Variants in CSNK2A1 observed in about 807,000 individuals in gnomAD.
CSNK2A1 encodes casein kinase II subunit alpha.
A neutral mutation model predicts 62.9 loss-of-function variants in CSNK2A1; 10 were observed. That is an observed-to-expected ratio of 0.16 (90% CI 0.10 to 0.27). The LOEUF is 0.27. Among genes scored for constraint, CSNK2A1 ranks in the 10% least tolerant of loss-of-function variants. The pLI is 1.00. For missense variants in CSNK2A1, 160 were observed against 492.0 expected (o/e 0.33, Z 6.38); for synonymous variants, 124 against 167.8 (o/e 0.74, Z 2.02).
At chr20:535,660 A>G (rs896521241) in intron 1 of CSNK2A1, among the ~76,000 whole-genome samples, 1 of 151,008 alleles carries the variant, frequency 6.6e-6, no homozygotes, top group African/African-American at 2.4e-5. Flanking sequence ...GGAGGCTGAG[A>G]GAGGAGAATC....
intron 7 of CSNK2A1, 98 bp from the exon 8 acceptor site, chr20:495,900 C>A (rs1182812631): frequency 2.5e-5 from 23 of 930,192 alleles, no homozygotes; most frequent in Non-Finnish European, 3.1e-5. Flanking sequence ...CCTCACAATA[C>A]CCCTGGGATT....
rs1466682492 is a variant in CSNK2A1, at chr20:490,482, T to C, written c.622-601A>G. 3.4e-4 allele frequency among the ~76,000 whole-genome samples: 50 copies of C among 146,630 alleles called. 1 individual carries two copies. Among genetic ancestry groups the C allele is most frequent in the African/African-American group, 1.3e-4 (5 of 38,870 alleles). On this transcript the variant is annotated intron_variant, in intron 9 of 13. Coordinates refer to ENST00000217244, the MANE Select transcript of CSNK2A1 (RefSeq NM_177559.3). Reference sequence around the variant, plus strand: ...CTGCAGGGGTGTGATCTTGGCTCATTGCAACTCAGCTTCCCAGGTTCAAGC... The same window carrying C: ...CTGCAGGGGTGTGATCTTGGCTCATCGCAACTCAGCTTCCCAGGTTCAAGC...
intron 2 of CSNK2A1, among the ~76,000 whole-genome samples, chr20:521,937 A>G (rs1470702495): frequency 1.3e-5 from 2 of 152,150 alleles, no homozygotes; most frequent in Non-Finnish European, 2.9e-5. Flanking sequence ...AAGCCTACAT[A>G]TTGTATACTT....
intron 3 of CSNK2A1, chr20:506,612 A>G (rs939205243): frequency 2.6e-5 from 4 of 152,350 alleles, no homozygotes; most frequent in African/African-American, 9.6e-5. Context: ...CCTACTGGAT[A>G]GAATCCTCTG....
Position 480,232 on chromosome 20 carries a change from CTT to C in CSNK2A1, c.*3727_*3728del, listed in dbSNP as rs200243314. The C allele has an allele frequency of 2.9e-4, 42 of 147,152 alleles. No homozygotes were observed. The highest frequency in any genetic ancestry group is 4.6e-4 in the Non-Finnish European group (31 of 66,754). The allele number at this position is 147,152 out of a possible 1,614,324, so 9.1% of individuals were successfully genotyped here. A position where few individuals can be genotyped will look rare whatever the true frequency, so the allele number is the denominator to read the frequency against. Reference sequence around the variant, plus strand: ...CTTTATGCAACAATACTTCCATTTACTTTGTGTGTGTGTGTGTGTGTGTGTGG... The same window carrying C: ...CTTTATGCAACAATACTTCCATTTACTGTGTGTGTGTGTGTGTGTGTGTGG... On this transcript the variant is annotated 3_prime_UTR_variant, in exon 14 of 14. Transcript: ENST00000217244.
At chr20:525,849 A>C (rs965174729) in intron 2 of CSNK2A1, among the ~76,000 whole-genome samples, 3 of 146,236 alleles carry the variant, frequency 2.1e-5, no homozygotes, top group African/African-American at 7.4e-5. Context: ...AAAAAAAAAA[A>C]AAAAAAAAAA....
In CSNK2A1 at chr20:479,093, T is replaced by G. The variant is rs1461778369; in HGVS notation, c.*4868A>C. Reference sequence around the variant, plus strand: ...ACTTGACTTGTACCCGTTGAAAACCTGTCATGTTTAATGCTTGGATATTTT... The same window carrying G: ...ACTTGACTTGTACCCGTTGAAAACCGGTCATGTTTAATGCTTGGATATTTT... On this transcript the variant is annotated 3_prime_UTR_variant, in exon 14 of 14. Coordinates refer to ENST00000217244, the MANE Select transcript of CSNK2A1 (RefSeq NM_177559.3). 6.6e-6 allele frequency: 1 copy of G among 152,486 alleles called. No homozygotes were observed. The highest frequency in any genetic ancestry group is 1.5e-5 in the Non-Finnish European group (1 of 68,186). The allele number at this position is 152,486 out of a possible 1,614,324, so 9.4% of individuals were successfully genotyped here.
chr20:526,224 C>T (rs2019086646), intron 2 of CSNK2A1, among the ~76,000 whole-genome samples: 1 of 152,112 alleles, frequency 6.6e-6, no homozygotes, highest in Non-Finnish European at 1.5e-5. Context: ...GTAATCCCAA[C>T]ACTTTGAAAG....
At position 478,300 on chromosome 20, in the gene CSNK2A1, G is replaced by A. The variant is rs2017889655; in HGVS notation, c.*5661C>T. On this transcript the variant is annotated 3_prime_UTR_variant, in exon 14 of 14. Transcript: ENST00000217244. ...GTTTGAAGGGTTGAGGGTTATGGAG[G>A]GTTCTTCATAGGAAGTTCACCATGG... 5 of 158,850 alleles carry A rather than the reference G, an allele frequency of 3.1e-5. No individual in the cohort carries two copies. In the South Asian group the frequency reaches 7.2e-4, roughly 23 times the overall value. 9.8% of individuals were successfully genotyped at this position (158,850 alleles called of 1,614,324 possible). A position where few individuals can be genotyped will look rare whatever the true frequency, so the allele number is the denominator to read the frequency against.
chr20:487,512 C>T lies in CSNK2A1; in HGVS notation c.888G>A (p.Glu296=), dbSNP rs374118294. Residue 296 remains glutamate, a synonymous_variant, in exon 12 of 14, where the codon GAG becomes GAA. Transcript: ENST00000217244. ...GCAGTTTGTCCAGGAAATCCAAGGC[C>T]TCAGGGCTGACAAGGTGCTGATTTT... The part of the protein sequence containing the change: ...HSENQHLVSP[E]ALDFLDKLLR... The T allele has an allele frequency of 1.8e-4, 297 of 1,614,202 alleles. No homozygotes were observed. The highest frequency in any genetic ancestry group is 2.3e-4 in the Non-Finnish European group (277 of 1,180,038).
chr20:531,253 C>T (rs205908), intron 1 of CSNK2A1, among the ~76,000 whole-genome samples: 72,560 of 151,940 alleles, frequency 0.48, 19,509 homozygotes, highest in African/African-American at 0.72. Flanking sequence ...GTAACAATGA[C>T]TCTTCATTCC....
chr20:505,338 A>C, intron 3 of CSNK2A1, 109 bp from the exon 4 acceptor site: 3 of 670,188 alleles, frequency 4.5e-6, no homozygotes, highest in Non-Finnish European at 7.3e-6. Context: ...TATTTCAAAC[A>C]ATTCCCAAAT....
At chr20:502,350 A>G (rs1372327284) in intron 4 of CSNK2A1, 1 of 152,158 alleles carries the variant, frequency 6.6e-6, no homozygotes, top group Non-Finnish European at 1.5e-5. Flanking sequence ...GACTAACCCA[A>G]CAACTTACCT....
chr20:518,772 G>T (rs2018881903), intron 2 of CSNK2A1, among the ~76,000 whole-genome samples: 1 of 145,500 alleles, frequency 6.9e-6, no homozygotes, highest in Non-Finnish European at 1.5e-5. Flanking sequence ...AGCCAGGACG[G>T]TCTCGATCTC....
At chr20:505,328 TATTTCAAACA>T in intron 3 of CSNK2A1, 99 bp from the exon 4 acceptor site, 1 of 788,804 alleles carries the variant, frequency 1.3e-6, no homozygotes, top group Non-Finnish European at 2.0e-6. Context: ...AAATAAGAAG[TATTTCAAACA>T]ATTCCCAAAT....
At chr20:517,605 G>GA (rs375733592) in intron 2 of CSNK2A1, among the ~76,000 whole-genome samples, 32 of 145,760 alleles carry the variant, frequency 2.2e-4, no homozygotes, top group East Asian at 6.0e-4. Flanking sequence ...AACTGTAAGA[G>GA]AAAAAAAAAA....
At chr20:492,178 G>A (rs1417889541) in intron 9 of CSNK2A1, 76 bp downstream of exon 9, 1 of 1,268,144 alleles carries the variant, frequency 7.9e-7, no homozygotes, top group Non-Finnish European at 1.1e-6. Context: ...TGCACAAAAT[G>A]ATACTTTTTT....
intron 2 of CSNK2A1, among the ~76,000 whole-genome samples, chr20:526,352 T>C (rs541007256): frequency 6.6e-6 from 1 of 152,056 alleles, no homozygotes; most frequent in Non-Finnish European, 1.5e-5. Flanking sequence ...GGCTCATGAC[T>C]GTAATCCCAA....
intron 1 of CSNK2A1, among the ~76,000 whole-genome samples, chr20:540,429 T>C (rs1291108835): frequency 6.6e-6 from 1 of 152,258 alleles, no homozygotes; most frequent in Non-Finnish European, 1.5e-5. Flanking sequence ...GTTGCTACTA[T>C]GTAACAAGGA....
Sources: allele counts gnomAD v4.1 joint callset (sites outside exome capture counted in the v4.1 genomes callset), GRCh38; gene constraint gnomAD v4.1.1; transcripts MANE v1.5; gene names NCBI Gene and HGNC (gene_info 2026-07-23, HGNC 2026-07-21).